SYN3: variants seen among roughly 807,000 people sequenced by gnomAD.
SYN3 encodes the protein synapsin III.
Under a neutral mutation model 65.8 loss-of-function variants are expected in SYN3, and 35 were observed. That is an observed-to-expected ratio of 0.53 (90% confidence interval 0.41 to 0.70). The LOEUF (loss-of-function observed/expected upper bound fraction) is 0.70, where lower values mean the gene tolerates loss of function less well. Ranked by LOEUF, SYN3 falls within the 30% of genes least tolerant of loss-of-function variation. The probability of loss-of-function intolerance (pLI) is 0.00; values close to 1 mark genes in which losing one functional copy is unlikely to be tolerated. For synonymous variants in SYN3, 270 were observed against 292.9 expected, an observed-to-expected ratio of 0.92 and a Z score of 0.80; for missense variants, 680 against 749.0, an observed-to-expected ratio of 0.91 and a Z score of 1.08.
intron 6 of SYN3, among the ~76,000 whole-genome samples, chr22:32,669,595 G>T (rs1015182452): frequency 6.6e-6 from 1 of 152,238 alleles, no homozygotes; most frequent in African/African-American, 2.4e-5. Context: ...GAGCGTAACA[G>T]TGACAGCAGT....
rs112531859 is a variant in SYN3 at position 32,875,460 on chromosome 22, CAT to C, written c.462-6337_462-6336del. 2.0e-4 allele frequency among the ~76,000 whole-genome samples: 31 copies of C among 152,338 alleles called. No homozygotes were observed. The South Asian group carries it at 5.4e-3, about 26-fold the overall frequency. ...CCTCCTGGTCACCCTGGGAACCCCA[CAT>C]GTTATGGGTTGAACTGTTGCCCCCA... On this transcript the variant is annotated intron_variant, in intron 4 of 13. Coordinates refer to ENST00000358763, the MANE Select transcript of SYN3 (RefSeq NM_003490.4).
At chr22:32,964,308 A>T (rs2051755520) in intron 3 of SYN3, among the ~76,000 whole-genome samples, 1 of 149,970 alleles carries the variant, frequency 6.7e-6, no homozygotes, top group Non-Finnish European at 1.5e-5. Context: ...GAGGGATAGC[A>T]TTAACATGTT....
intron 6 of SYN3, chr22:32,859,416 G>T (rs189143308): frequency 6.3e-7 from 1 of 1,586,850 alleles, no homozygotes; most frequent in Admixed American, 1.7e-5. Flanking sequence ...CTCCCTTCCC[G>T]CTGAGCTTCC....
chr22:32,720,792 C>CGCCCA (rs2061107201), intron 6 of SYN3, among the ~76,000 whole-genome samples: 1 of 152,138 alleles, frequency 6.6e-6, no homozygotes, highest in Admixed American at 6.5e-5. Flanking sequence ...CCTGACTTGG[C>CGCCCA]GCCCAGGCCT....
intron 6 of SYN3, among the ~76,000 whole-genome samples, chr22:32,631,993 A>G (rs2059753341): frequency 6.6e-6 from 1 of 152,164 alleles, no homozygotes; most frequent in Non-Finnish European, 1.5e-5. Context: ...AACAAGACAG[A>G]GAGTGAAGAG....
At chr22:32,531,909 T>TA (rs1410065892) in intron 10 of SYN3, among the ~76,000 whole-genome samples, 7 of 143,596 alleles carry the variant, frequency 4.9e-5, no homozygotes. Flanking sequence ...CTTTTACTTT[T>TA]TTTTTTTTTT....
chr22:33,030,695 A>G (rs890164107), intron 1 of SYN3, among the ~76,000 whole-genome samples: 3 of 152,062 alleles, frequency 2.0e-5, no homozygotes, highest in African/African-American at 4.8e-5. Flanking sequence ...AGACAGAGAG[A>G]TCAACACAAA....
chr22:32,987,718 G>A (rs1360081671), intron 2 of SYN3, among the ~76,000 whole-genome samples: 3 of 152,086 alleles, frequency 2.0e-5, no homozygotes, highest in African/African-American at 7.2e-5. Context: ...GGAGATTTTT[G>A]TGGGCAGGAT....
chr22:33,001,130 G>A (rs1359625638), intron 2 of SYN3, among the ~76,000 whole-genome samples: 2 of 152,172 alleles, frequency 1.3e-5, no homozygotes, highest in Non-Finnish European at 2.9e-5. Flanking sequence ...ATGAGTCTTA[G>A]TTTCTTACTT....
intron 3 of SYN3, among the ~76,000 whole-genome samples, chr22:32,977,462 GA>G (rs1401906118): frequency 3.3e-5 from 5 of 152,242 alleles, no homozygotes; most frequent in Non-Finnish European, 7.4e-5. Context: ...GGGAGATTAA[GA>G]AGTGGTAGCC....
chr22:32,925,283 A>G (rs2050439573), intron 4 of SYN3, among the ~76,000 whole-genome samples: 1 of 152,166 alleles, frequency 6.6e-6, no homozygotes, highest in Non-Finnish European at 1.5e-5. Flanking sequence ...CACCAGTCAT[A>G]TTGGATTAAG....
chr22:32,894,270 TAGA>T (rs1414915424), intron 4 of SYN3, among the ~76,000 whole-genome samples: 1 of 152,222 alleles, frequency 6.6e-6, no homozygotes. Context: ...TTACATATTA[TAGA>T]AGAAGAAAAC....
chr22:32,675,563 C>G (rs2060428501), intron 6 of SYN3, among the ~76,000 whole-genome samples: 2 of 152,254 alleles, frequency 1.3e-5, no homozygotes, highest in South Asian at 4.2e-4. Flanking sequence ...AACTCTGCAC[C>G]CCACCCCAGC....
rs397805888 is a variant in SYN3 at position 32,834,334 on chromosome 22, T to TG, written c.711+30580dup. Reference sequence around the variant, plus strand: ...CATCTGGCTAATTTATTTTTTTTTTTGTATTTTTAGTAGAAACGGGGTTCC... The same window carrying TG: ...CATCTGGCTAATTTATTTTTTTTTTTGGTATTTTTAGTAGAAACGGGGTTCC... On this transcript the variant is annotated intron_variant, in intron 6 of 13. Coordinates refer to ENST00000358763, the MANE Select transcript of SYN3 (RefSeq NM_003490.4). 6.6e-5 allele frequency among the ~76,000 whole-genome samples: 10 copies of TG among 151,796 alleles called. No homozygotes were observed. The East Asian group carries it at 1.9e-3, about 29-fold the overall frequency.
intron 6 of SYN3, among the ~76,000 whole-genome samples, chr22:32,829,549 C>T (rs553874346): frequency 6.6e-6 from 1 of 152,378 alleles, no homozygotes; most frequent in South Asian, 2.1e-4. Context: ...GGCTGCCCGC[C>T]TCCTGTTTCG....
intron 4 of SYN3, among the ~76,000 whole-genome samples, chr22:32,922,202 T>C (rs1408305970): frequency 6.6e-6 from 1 of 152,218 alleles, no homozygotes; most frequent in Non-Finnish European, 1.5e-5. Flanking sequence ...AGGAGACATA[T>C]GGCTTCTTTA....
At chr22:33,031,680 TAAGCC>T (rs1264104226) in intron 1 of SYN3, among the ~76,000 whole-genome samples, 1 of 152,048 alleles carries the variant, frequency 6.6e-6, no homozygotes, top group Non-Finnish European at 1.5e-5. Flanking sequence ...TCTTCTCAAA[TAAGCC>T]AACCCCATTC....
intron 6 of SYN3, among the ~76,000 whole-genome samples, chr22:32,691,385 A>T (rs1237895441): frequency 1.3e-5 from 2 of 152,142 alleles, no homozygotes; most frequent in Non-Finnish European, 2.9e-5. Flanking sequence ...TAGCAGGTGG[A>T]TCTGGGAAGG....
chr22:32,865,417 C>G (rs1376521765), intron 5 of SYN3, among the ~76,000 whole-genome samples: 1 of 152,152 alleles, frequency 6.6e-6, no homozygotes, highest in Non-Finnish European at 1.5e-5. Context: ...TTCCTGGGTT[C>G]AAATTCTTGC....
Sources: gnomAD v4.1 joint callset for allele counts (sites outside exome capture counted in the v4.1 genomes callset) on GRCh38, gnomAD v4.1.1 for gene constraint, MANE v1.5 for transcripts, NCBI Gene and HGNC (gene_info 2026-07-23, HGNC 2026-07-21) for gene names.